Variants in CYB5B observed in about 807,000 individuals in gnomAD.
CYB5B encodes the protein cytochrome b5 type B (outer mitochondrial membrane).
CYB5B carries 14 observed loss-of-function variants against 21.3 expected under a neutral mutation model. The ratio of observed to expected loss-of-function variants is 0.66; its 90% CI spans 0.43 to 1.03. CYB5B has a LOEUF of 1.03. CYB5B is among the 50% of genes least tolerant of loss of function. The pLI is 0.00. For synonymous variants in CYB5B, 69 were observed against 68.4 expected (o/e 1.01, Z -0.04); for missense variants, 166 against 185.1 (o/e 0.90, Z 0.60).
Position 69,462,602 on chromosome 16 carries a change from T to TA in CYB5B, c.*82_*83insA. 1 of 1,120,552 alleles carries TA rather than the reference T, an allele frequency of 8.9e-7. No individual in the cohort carries two copies. The highest frequency in any genetic ancestry group is 1.3e-6 in the Non-Finnish European group (1 of 746,950). The allele number at this position is 1,120,552 out of a possible 1,614,324, so 69.4% of individuals were successfully genotyped here. On this transcript the variant is annotated 3_prime_UTR_variant, in exon 5 of 5. Transcript: ENST00000307892. The stretch of plus-strand genomic sequence containing the variant: ...GCTTGGGGGCTGCAGAAGTGCCCTC[T>TA]CCTCGAATCCTGCCAGTTGCATTCT...
chr16:69,452,730 T>C (rs767893743), intron 3 of CYB5B, among the ~76,000 whole-genome samples: 13 of 151,946 alleles, frequency 8.6e-5, no homozygotes, highest in Non-Finnish European at 1.8e-4. Context: ...TCTTTTGGGC[T>C]GGGGGCGGTG....
chr16:69,460,069 C>T (rs576472138), intron 4 of CYB5B, among the ~76,000 whole-genome samples: 13 of 151,922 alleles, frequency 8.6e-5, no homozygotes, highest in African/African-American at 1.2e-4. Flanking sequence ...GACAACATGG[C>T]GAAACCCCAT....
intron 3 of CYB5B, among the ~76,000 whole-genome samples, 181 bp from the exon 4 acceptor site, chr16:69,458,912 G>A (rs2015006280): frequency 6.6e-6 from 1 of 152,054 alleles, no homozygotes; most frequent in Middle Eastern, 3.2e-3. Flanking sequence ...TATGTTATCA[G>A]AAATAAAATT....
chr16:69,462,671 C>A lies in CYB5B; in HGVS notation c.*151C>A. On this transcript the variant is annotated 3_prime_UTR_variant, in exon 5 of 5. Coordinates refer to ENST00000307892, the MANE Select transcript of CYB5B (RefSeq NM_030579.3). The stretch of plus-strand genomic sequence containing the variant: ...CGATTGGCCAGACATCACCTCAGAT[C>A]TGAGACCAGCGTCTTCCATCTCTCA... 3.1e-6 allele frequency: 2 copies of A among 642,000 alleles called. No individual in the cohort carries two copies. The highest frequency in any genetic ancestry group is 5.6e-6 in the Non-Finnish European group (2 of 359,256). 39.8% of individuals were successfully genotyped at this position (642,000 alleles called of 1,614,324 possible). A position where few individuals can be genotyped will look rare whatever the true frequency, so the allele number is the denominator to read the frequency against.
intron 1 of CYB5B, among the ~76,000 whole-genome samples, chr16:69,435,172 T>C (rs1182485653): frequency 6.6e-6 from 1 of 152,172 alleles, no homozygotes; most frequent in Non-Finnish European, 1.5e-5. Flanking sequence ...AAGGCCCTTT[T>C]CCCTCTGTAA....
At chr16:69,447,417 G>A (rs540167839) in intron 2 of CYB5B, 139 bp downstream of exon 2, 79 of 1,172,986 alleles carry the variant, frequency 6.7e-5, no homozygotes, top group Non-Finnish European at 8.4e-5. Flanking sequence ...CAAGGCAGGC[G>A]GATCACTTGA....
At chr16:69,455,287 G>A (rs2014972493) in intron 3 of CYB5B, among the ~76,000 whole-genome samples, 1 of 151,940 alleles carries the variant, frequency 6.6e-6, no homozygotes, top group Admixed American at 6.6e-5. Flanking sequence ...TTCCTTAAGT[G>A]TGTGCTCTTC....
chr16:69,458,224 C>T (rs2015000519), intron 3 of CYB5B, among the ~76,000 whole-genome samples: 1 of 152,098 alleles, frequency 6.6e-6, no homozygotes, highest in African/African-American at 2.4e-5. Flanking sequence ...CAGAACTGTG[C>T]AGTCTATTTT....
At position 69,464,933 on chromosome 16, in the gene CYB5B, C is replaced by G. The variant is rs1433459872; in HGVS notation, c.*2413C>G. ...GGTCCATTTACTGTTATTTTGTTGC[C>G]TACAAAAACAGCCAGGTGAAAGCTA... On this transcript the variant is annotated 3_prime_UTR_variant, in exon 5 of 5. Coordinates refer to ENST00000307892, the MANE Select transcript of CYB5B (RefSeq NM_030579.3). The G allele has an allele frequency of 1.3e-5, 2 of 152,550 alleles. No individual in the cohort carries two copies. The highest frequency in any genetic ancestry group is 2.9e-5 in the Non-Finnish European group (2 of 68,036). 9.4% of individuals were successfully genotyped at this position (152,550 alleles called of 1,614,324 possible).
intron 4 of CYB5B, 146 bp from the exon 5 acceptor site, chr16:69,462,284 C>T (rs2015042438): frequency 1.6e-6 from 1 of 615,804 alleles, no homozygotes; most frequent in Non-Finnish European, 2.9e-6. Context: ...AAATATTTTT[C>T]CCCAACTACT....
intron 3 of CYB5B, chr16:69,449,134 TC>T (rs1474673281): frequency 6.6e-6 from 1 of 152,198 alleles, no homozygotes. Context: ...ATGAAATGGT[TC>T]TTAAAACACT....
At chr16:69,452,906 G>A (rs1390843360) in intron 3 of CYB5B, among the ~76,000 whole-genome samples, 2 of 151,868 alleles carry the variant, frequency 1.3e-5, no homozygotes, top group African/African-American at 2.4e-5. Context: ...GGCTGAGGCA[G>A]GAGAATCGCT....
intron 1 of CYB5B, among the ~76,000 whole-genome samples, chr16:69,441,203 G>C (rs1194446873): frequency 6.9e-6 from 1 of 145,658 alleles, no homozygotes; most frequent in Non-Finnish European, 1.5e-5. Context: ...GCCCAGGCTG[G>C]AGTGCAGTGG....
intron 1 of CYB5B, among the ~76,000 whole-genome samples, chr16:69,439,294 T>G (rs1350167533): frequency 6.6e-6 from 1 of 152,136 alleles, no homozygotes; most frequent in Non-Finnish European, 1.5e-5. Context: ...CACTGCAACC[T>G]CCGCCTCCTG....
intron 1 of CYB5B, among the ~76,000 whole-genome samples, chr16:69,431,835 A>G (rs2014709437): frequency 6.6e-6 from 1 of 152,220 alleles, no homozygotes; most frequent in Non-Finnish European, 1.5e-5. Context: ...AGAGGAGTCA[A>G]AACAAAAACA....
chr16:69,462,384 G>T, intron 4 of CYB5B, 46 bp from the exon 5 acceptor site: 1 of 1,446,728 alleles, frequency 6.9e-7, no homozygotes, highest in South Asian at 1.1e-5. Flanking sequence ...GTGAACATTT[G>T]GCTTAAAATA....
At chr16:69,429,368 G>A (rs2014681281) in intron 1 of CYB5B, among the ~76,000 whole-genome samples, 1 of 152,254 alleles carries the variant, frequency 6.6e-6, no homozygotes, top group South Asian at 2.1e-4. Context: ...CTGCTGATTG[G>A]TCCATTTTAC....
chr16:69,431,815 C>T (rs184813525), intron 1 of CYB5B, among the ~76,000 whole-genome samples: 2 of 152,184 alleles, frequency 1.3e-5, no homozygotes, highest in Admixed American at 1.3e-4. Flanking sequence ...CTTCTTGAAG[C>T]TACCATTCTA....
intron 1 of CYB5B, among the ~76,000 whole-genome samples, chr16:69,435,103 G>A (rs2014746973): frequency 6.6e-6 from 1 of 152,066 alleles, no homozygotes; most frequent in South Asian, 2.1e-4. Context: ...CAAGTGTCTG[G>A]TTGAGCTTTC....
Sources: gnomAD v4.1 joint callset for allele counts (sites outside exome capture counted in the v4.1 genomes callset) on GRCh38, gnomAD v4.1.1 for gene constraint, MANE v1.5 for transcripts, NCBI Gene and HGNC (gene_info 2026-07-23, HGNC 2026-07-21) for gene names.